The following PPP1R9A variants were observed in gnomAD, a reference collection of about 807,000 sequenced individuals.
The protein encoded by PPP1R9A is neurabin-1.
PPP1R9A carries 59 observed loss-of-function variants against 141.9 expected under a neutral mutation model. The ratio of observed to expected loss-of-function variants is 0.42; its 90% confidence interval spans 0.34 to 0.52. The LOEUF (loss-of-function observed/expected upper bound fraction) is 0.52. PPP1R9A is among the 20% of genes least tolerant of loss of function. PPP1R9A has a pLI of 0.10. For missense variants in PPP1R9A, 1,444 were observed against 1,611.9 expected, an observed-to-expected ratio of 0.90 and a Z score of 1.78; for synonymous variants, 500 against 569.7, an observed-to-expected ratio of 0.88 and a Z score of 1.74.
intron 2 of PPP1R9A, among the ~76,000 whole-genome samples, chr7:95,053,841 A>G (rs1811128523): frequency 6.6e-6 from 1 of 152,222 alleles, no homozygotes; most frequent in Admixed American, 6.5e-5. Context: ...AGGGAACTGC[A>G]TGCTTTGGAA....
chr7:95,070,593 G>GTATATATATATATATATATATGTATA (rs71961632), intron 2 of PPP1R9A, among the ~76,000 whole-genome samples: 1 of 111,936 alleles, frequency 8.9e-6, no homozygotes, highest in Non-Finnish European at 1.9e-5. Context: ...TAAATCTCTG[G>GTATATATATATATATATATATGTATA]TATATATATA....
chr7:94,918,672 G>A (rs1792389248), intron 2 of PPP1R9A, among the ~76,000 whole-genome samples: 1 of 152,018 alleles, frequency 6.6e-6, no homozygotes. Flanking sequence ...TCATCCTCTG[G>A]AAAGCAGTAA....
chr7:95,193,312 A>G (rs1021342857), intron 5 of PPP1R9A, among the ~76,000 whole-genome samples: 4 of 152,120 alleles, frequency 2.6e-5, no homozygotes, highest in African/African-American at 9.6e-5. Flanking sequence ...AAAAGTGAGT[A>G]TATTTCATGA....
At chr7:95,039,994 T>C (rs1377994237) in intron 2 of PPP1R9A, among the ~76,000 whole-genome samples, 1 of 152,018 alleles carries the variant, frequency 6.6e-6, no homozygotes, top group Admixed American at 6.6e-5. Flanking sequence ...ATATTCAAAC[T>C]GCCAAAAATC....
At chr7:95,258,828 G>C (rs1799999273) in intron 12 of PPP1R9A, among the ~76,000 whole-genome samples, 1 of 152,094 alleles carries the variant, frequency 6.6e-6, no homozygotes, top group South Asian at 2.1e-4. Flanking sequence ...CCAGCACATG[G>C]AAAAACAGGA....
chr7:95,203,561 G>A (rs1401339004), intron 6 of PPP1R9A, 104 bp from the exon 7 acceptor site: 1 of 793,438 alleles, frequency 1.3e-6, no homozygotes, highest in South Asian at 1.7e-5. Context: ...TTAACAGTGT[G>A]TATTACAGTA....
At chr7:95,056,164 T>C (rs1811471633) in intron 2 of PPP1R9A, among the ~76,000 whole-genome samples, 1 of 152,194 alleles carries the variant, frequency 6.6e-6, no homozygotes. Context: ...TCCTAAAGGC[T>C]GACATTTCTT....
At chr7:95,240,416 G>GT (rs558741031) in intron 8 of PPP1R9A, among the ~76,000 whole-genome samples, 38 of 148,182 alleles carry the variant, frequency 2.6e-4, no homozygotes, top group South Asian at 1.9e-3. Flanking sequence ...TCCTATTTCT[G>GT]TTTTTTTTCT....
Position 95,194,463 on chromosome 7 carries a change from G to A in PPP1R9A, c.1755-3886G>A, listed in dbSNP as rs1214017091. 3.3e-5 allele frequency among the ~76,000 whole-genome samples: 5 copies of A among 151,908 alleles called. 1 individual carries two copies. Among genetic ancestry groups the A allele is most frequent in the African/African-American group, 1.2e-4 (5 of 41,456 alleles). ...AATATATGTTGGAAGTTTTAGCCAG[G>A]GCATTAAGGCAGTAAATACATAGAC... On this transcript the variant is annotated intron_variant, in intron 5 of 19. Coordinates refer to ENST00000433360, the MANE Select transcript of PPP1R9A (RefSeq NM_001166160.2).
At chr7:95,207,038 C>T (rs1450380380) in intron 7 of PPP1R9A, among the ~76,000 whole-genome samples, 1 of 151,390 alleles carries the variant, frequency 6.6e-6, no homozygotes, top group Non-Finnish European at 1.5e-5. Flanking sequence ...CACAAGTAGC[C>T]TTAATTTATG....
In PPP1R9A at chr7:95,190,703, C is replaced by CT. The variant is rs1835375320; in HGVS notation, c.1755-7643dup. On this transcript the variant is annotated intron_variant, in intron 5 of 19. Coordinates refer to ENST00000433360, the MANE Select transcript of PPP1R9A (RefSeq NM_001166160.2). ...GAGAGCCCCAGAGTTTTTGGCCTGT[C>CT]TTTCAGAACTTGCAGTGGCTTGCCA... Among the ~76,000 whole-genome samples, 4 of 152,188 alleles carry CT rather than the reference C, an allele frequency of 2.6e-5. No homozygotes were observed. In the South Asian group the frequency reaches 8.3e-4, roughly 31 times the overall value.
chr7:95,108,307 C>CTTTTCTTTTT (rs1819892362), intron 2 of PPP1R9A, among the ~76,000 whole-genome samples: 1 of 59,618 alleles, frequency 1.7e-5, no homozygotes, highest in Non-Finnish European at 3.1e-5. Flanking sequence ...CGTTTCTTTT[C>CTTTTCTTTTT]TTTTTTTTTT....
intron 7 of PPP1R9A, among the ~76,000 whole-genome samples, chr7:95,213,212 C>CCCTTTA (rs2152919552): frequency 6.6e-6 from 1 of 151,934 alleles, no homozygotes; most frequent in Admixed American, 6.6e-5. Flanking sequence ...GACAGTATGT[C>CCCTTTA]CCTTTAGGCA....
chr7:95,183,760 TA>T (rs1293891725), intron 5 of PPP1R9A, among the ~76,000 whole-genome samples: 1 of 152,046 alleles, frequency 6.6e-6, no homozygotes, highest in Non-Finnish European at 1.5e-5. Flanking sequence ...AATATTCTTA[TA>T]ATTAGTATTG....
intron 2 of PPP1R9A, among the ~76,000 whole-genome samples, chr7:94,964,842 T>G (rs755626802): frequency 1.3e-5 from 2 of 152,174 alleles, no homozygotes; most frequent in Non-Finnish European, 2.9e-5. Context: ...ATATACCCAG[T>G]AATGGGATTG....
intron 2 of PPP1R9A, among the ~76,000 whole-genome samples, chr7:94,995,539 T>A (rs968374979): frequency 2.0e-5 from 3 of 152,016 alleles, no homozygotes; most frequent in African/African-American, 7.2e-5. Flanking sequence ...ATAGTTTCCA[T>A]TATGTCTTAA....
intron 18 of PPP1R9A, 54 bp downstream of exon 18, chr7:95,286,379 A>C (rs1014284296): frequency 5.0e-6 from 8 of 1,597,928 alleles, no homozygotes; most frequent in Non-Finnish European, 6.0e-6. Context: ...CGTTTTACCC[A>C]TGAACCATCA....
chr7:95,250,519 G>A (rs560736431), intron 10 of PPP1R9A, among the ~76,000 whole-genome samples: 3 of 152,232 alleles, frequency 2.0e-5, no homozygotes, highest in Non-Finnish European at 4.4e-5. Flanking sequence ...GTTTATAACT[G>A]TTAAAACATC....
intron 2 of PPP1R9A, among the ~76,000 whole-genome samples, chr7:95,080,035 G>GGAT (rs1192972866): frequency 6.6e-6 from 1 of 152,140 alleles, no homozygotes; most frequent in South Asian, 2.1e-4. Context: ...CACAAGACAG[G>GGAT]GATGCCCTCT....
Sources: allele counts gnomAD v4.1 joint callset (sites outside exome capture counted in the v4.1 genomes callset), GRCh38; gene constraint gnomAD v4.1.1; transcripts MANE v1.5; gene names NCBI Gene and HGNC (gene_info 2026-07-23, HGNC 2026-07-21).